PHTF1: variants seen among roughly 807,000 people sequenced by gnomAD.
PHTF1 encodes protein PHTF1.
A neutral mutation model predicts 102.4 loss-of-function variants in PHTF1; 88 were observed. That is an observed-to-expected ratio of 0.86 (90% CI 0.72 to 1.03). The LOEUF is 1.03. PHTF1 is among the 50% of genes least tolerant of loss of function. The pLI, the probability that PHTF1 is intolerant of heterozygous loss-of-function variation, is 0.00. For missense variants in PHTF1, 814 were observed against 909.5 expected (o/e 0.89, Z 1.35); for synonymous variants, 289 against 305.2 (o/e 0.95, Z 0.55).
intron 5 of PHTF1, among the ~76,000 whole-genome samples, chr1:113,735,077 C>A (rs1204908287): frequency 6.6e-6 from 1 of 151,818 alleles, no homozygotes; most frequent in Non-Finnish European, 1.5e-5. Flanking sequence ...CTATTAAAAG[C>A]TATATAGGCC....
chr1:113,726,606 T>C (rs753917170), intron 5 of PHTF1, 32 bp from the exon 6 acceptor site: 1 of 1,318,284 alleles, frequency 7.6e-7, no homozygotes, highest in Non-Finnish European at 1.0e-6. Context: ...ATGTAAAACA[T>C]TAGAGCTCTT....
At chr1:113,719,229 C>T (rs542910077) in intron 7 of PHTF1, among the ~76,000 whole-genome samples, 8 of 152,256 alleles carry the variant, frequency 5.3e-5, no homozygotes, top group Non-Finnish European at 1.0e-4. Context: ...TCTTAAACTA[C>T]TGACCTCAGG....
At position 113,704,071 on chromosome 1, in the gene PHTF1, A is replaced by C. The variant is rs375720487; in HGVS notation, c.1890+10T>G. The C allele has an allele frequency of 1.6e-5, 26 of 1,590,640 alleles. No homozygotes were observed. The highest frequency in any genetic ancestry group is 2.0e-5 in the Non-Finnish European group (23 of 1,159,082). ...TTCATTTTTCCTTAAAGCAGATGTG[A>C]AACTTTTACCTGAGCACAACAAATG... On this transcript the variant is annotated intron_variant, in intron 15 of 18. Coordinates refer to ENST00000369604, the MANE Select transcript of PHTF1 (RefSeq NM_001323043.2).
chr1:113,717,520 A>G (rs1374743102), intron 7 of PHTF1, among the ~76,000 whole-genome samples: 1 of 152,208 alleles, frequency 6.6e-6, no homozygotes, highest in Non-Finnish European at 1.5e-5. Flanking sequence ...AAGGGGATGG[A>G]AAAAGATATT....
intron 18 of PHTF1, 125 bp from the exon 19 acceptor site, chr1:113,697,850 T>C: frequency 3.0e-6 from 2 of 676,150 alleles, no homozygotes; most frequent in South Asian, 1.8e-5. Flanking sequence ...AGTCTGGCAA[T>C]AGCAACCATA....
Position 113,726,582 on chromosome 1 carries a change from G to C in PHTF1, c.332-8C>G, listed in dbSNP as rs376752656. The C allele has an allele frequency of 2.6e-6, 4 of 1,540,888 alleles. No homozygotes were observed. The African/African-American group carries it at 5.6e-5, about 21-fold the overall frequency. On this transcript the variant is annotated splice_region_variant and splice_polypyrimidine_tract_variant and intron_variant, in intron 5 of 18. Coordinates refer to ENST00000369604, the MANE Select transcript of PHTF1 (RefSeq NM_001323043.2). ...ATAAGACAATTGCTATAACTGAAAA[G>C]AAGAGGTTTTAAGATGTAAAACATT...
chr1:113,738,163 T>G lies in PHTF1; in HGVS notation c.278A>C (p.Gln93Pro). Residue 93 changes from glutamine (Q) to proline (P), a missense_variant, in exon 5 of 19, where the codon CAG (glutamine) becomes CCG (proline). Gln to Pro is a moderately conservative substitution (Grantham distance 76). Transcript: ENST00000369604. ...FFPLFSNWWI[Q>P]VTSLRIFVWL... Reference sequence around the variant, plus strand: ...AACAAAGATTCTTAAAGAGGTAACCTGAATCCACCAATTGCTGAACAATGG... The same window carrying G: ...AACAAAGATTCTTAAAGAGGTAACCGGAATCCACCAATTGCTGAACAATGG... 5.6e-6 allele frequency: 9 copies of G among 1,612,796 alleles called. No homozygotes were observed. The highest frequency in any genetic ancestry group is 7.6e-6 in the Non-Finnish European group (9 of 1,178,784).
At chr1:113,732,350 G>T (rs954738535) in intron 5 of PHTF1, among the ~76,000 whole-genome samples, 1 of 152,142 alleles carries the variant, frequency 6.6e-6, no homozygotes, top group African/African-American at 2.4e-5. Context: ...ACTAAGATTT[G>T]TTGGGCGTAG....
chr1:113,728,116 G>A (rs13374352), intron 5 of PHTF1, among the ~76,000 whole-genome samples: 33,123 of 152,090 alleles, frequency 0.22, 4,519 homozygotes, highest in South Asian at 0.39. Context: ...GGGCCGGGCC[G>A]AGGGAAGCTT....
In PHTF1 at chr1:113,711,747, T is replaced by A. The variant is rs767761550; in HGVS notation, c.1046A>T (p.Gln349Leu). The A allele has an allele frequency of 6.2e-7, 1 of 1,609,890 alleles. No homozygotes were observed. The highest frequency in any genetic ancestry group is 1.7e-5 in the Admixed American group (1 of 60,016). The change falls in exon 10 of 19, where the codon CAG becomes CTG. Residue 349 changes from glutamine to leucine, a missense_variant and splice_region_variant. By Grantham distance (113) the Gln-to-Leu change is moderately radical (BLOSUM62 -2). Transcript: ENST00000369604. The part of the protein sequence containing the change: ...ESEFESAAFS[Q>L]GSRSGVSGGS... ...TGATTTCTCAAAGGGATACTTTACC[T>A]GGCTGAAGGCTGCTGATTCAAATTC...
chr1:113,713,175 A>G, intron 8 of PHTF1, 104 bp downstream of exon 8: 7 of 1,025,168 alleles, frequency 6.8e-6, no homozygotes, highest in Non-Finnish European at 1.0e-5. Flanking sequence ...TGTTAGGACA[A>G]ATTTATAAAC....
chr1:113,753,723 CT>C (rs879322976), intron 3 of PHTF1, among the ~76,000 whole-genome samples: 1,118 of 142,654 alleles, frequency 7.8e-3, no homozygotes, highest in Middle Eastern at 0.011. Flanking sequence ...CGTGCCCAGC[CT>C]TTTTTTTTTT....
At chr1:113,706,281 G>A in intron 12 of PHTF1, 119 bp from the exon 13 acceptor site, 1 of 890,486 alleles carries the variant, frequency 1.1e-6, no homozygotes, top group Non-Finnish European at 1.7e-6. Context: ...AAATACAAAT[G>A]ACATACAGAT....
chr1:113,710,264 A>C lies in PHTF1; in HGVS notation c.1259T>G (p.Val420Gly). The change falls in exon 11 of 19, where the codon GTT becomes GGT. Residue 420 changes from valine (V) to glycine (G), a missense_variant. By Grantham distance (109) the Val-to-Gly change is moderately radical. Transcript: ENST00000369604. The part of the protein sequence containing the change: ...SGTKRDPKED[V>G]FQQNHLFWLQ... ...CATGTCTGCACAGACCTGCTGAAAA[A>C]CATCCTCTTTGGGGTCACGTTTGGT... The C allele has an allele frequency of 1.2e-6, 2 of 1,612,274 alleles. No homozygotes were observed. The highest frequency in any genetic ancestry group is 1.7e-6 in the Non-Finnish European group (2 of 1,179,176).
In PHTF1 at chr1:113,713,347, G is replaced by C. The variant is rs376482664; in HGVS notation, c.715C>G (p.Arg239Gly). ...GTTTGCCACATTCTAATCTCTGGTC[G>C]ACATTGTCTCCTCTTAATGATAGGA... ...VHPIIKRRQC[R>G]PEIRMWQTRE... Residue 239 changes from arginine to glycine, a missense_variant, in exon 8 of 19, where the codon CGA (arginine) becomes GGA (glycine). Arg to Gly is a moderately radical substitution (Grantham distance 125). Transcript: ENST00000369604. 3.1e-6 allele frequency: 5 copies of C among 1,611,980 alleles called. No individual in the cohort carries two copies. The African/African-American group carries it at 5.3e-5, about 17-fold the overall frequency.
intron 3 of PHTF1, among the ~76,000 whole-genome samples, chr1:113,756,637 G>A (rs115344607): frequency 1.4e-3 from 206 of 152,126 alleles, no homozygotes; most frequent in African/African-American, 4.9e-3. Context: ...AATTACATTT[G>A]GTTACCAAGC....
At chr1:113,724,540 C>CA (rs61211077) in intron 7 of PHTF1, among the ~76,000 whole-genome samples, 2,499 of 59,490 alleles carry the variant, frequency 0.042, 80 homozygotes, top group African/African-American at 0.095. Flanking sequence ...GACTCCATTT[C>CA]AAAAAAAAAA....
At position 113,706,591 on chromosome 1, in the gene PHTF1, T is replaced by C; in HGVS notation, c.1398+3A>G. 1 of 1,602,082 alleles carries C rather than the reference T, an allele frequency of 6.2e-7. No individual in the cohort carries two copies. Among genetic ancestry groups the C allele is most frequent in the Non-Finnish European group, 8.5e-7 (1 of 1,176,538 alleles). Reference sequence around the variant, plus strand: ...AAAAATCTGAAAACATATTCAGTCTTACCCTGCTCATGATGATGCCACTTA... The same window carrying C: ...AAAAATCTGAAAACATATTCAGTCTCACCCTGCTCATGATGATGCCACTTA... On this transcript the variant is annotated splice_donor_region_variant and intron_variant, in intron 12 of 18. Transcript: ENST00000369604.
intron 3 of PHTF1, chr1:113,747,004 A>G (rs1657346223): frequency 1.3e-5 from 2 of 154,702 alleles, no homozygotes; most frequent in Non-Finnish European, 2.8e-5. Context: ...TCTATGCCTC[A>G]ATTCCTTCAC....
Sources: allele counts gnomAD v4.1 joint callset (sites outside exome capture counted in the v4.1 genomes callset), GRCh38; gene constraint gnomAD v4.1.1; transcripts MANE v1.5; gene names NCBI Gene and HGNC (gene_info 2026-07-23, HGNC 2026-07-21).